Variants in DIAPH2 observed in about 807,000 individuals in gnomAD.
The protein encoded by DIAPH2 is diaphanous related formin 2.
In DIAPH2, 35 loss-of-function variants were observed where a neutral mutation model predicts 92.7. The ratio of observed to expected loss-of-function variants is 0.38; its 90% CI spans 0.29 to 0.50. The LOEUF is 0.50. Ranked by LOEUF, DIAPH2 falls within the 20% of genes least tolerant of loss-of-function variation. The pLI, the probability that DIAPH2 is intolerant of heterozygous loss-of-function variation, is 0.94. For missense variants in DIAPH2, 701 were observed against 819.5 expected, an observed-to-expected ratio of 0.86 and a Z score of 1.77; for synonymous variants, 301 against 280.4, an observed-to-expected ratio of 1.07 and a Z score of -0.73.
rs1177486781 is a variant in DIAPH2, at chrX:97,601,684, T to TTTC, written c.*2371_*2373dup. On this transcript the variant is annotated 3_prime_UTR_variant, in exon 27 of 27. Transcript: ENST00000324765. ...CATGAGAAGCACCATTTATGCAGAT[T>TTTC]TTCTTCAGAATATTTTTAAAAGGTA... 7 of 112,298 alleles carry TTTC rather than the reference T, an allele frequency of 6.2e-5. No individual in the cohort carries two copies. The highest frequency in any genetic ancestry group is 1.1e-4 in the Non-Finnish European group (6 of 53,279). The allele number at this position is 112,298 out of a possible 1,213,427, so 9.3% of individuals were successfully genotyped here. A position where few individuals can be genotyped will look rare whatever the true frequency, so the allele number is the denominator to read the frequency against.
At chrX:97,489,831 C>T (rs1394106422) in intron 26 of DIAPH2, among the ~76,000 whole-genome samples, 1 of 111,247 alleles carries the variant, frequency 9.0e-6, no homozygotes, top group Non-Finnish European at 1.9e-5. Context: ...GTGTTGAATT[C>T]GGTTTGCTAA....
intron 25 of DIAPH2, among the ~76,000 whole-genome samples, chrX:97,393,867 A>G (rs2069681747): frequency 8.9e-6 from 1 of 111,900 alleles, no homozygotes; most frequent in Admixed American, 9.5e-5. Flanking sequence ...TCCTCCTTGT[A>G]TAAGATTATA....
intron 26 of DIAPH2, among the ~76,000 whole-genome samples, chrX:97,479,718 C>T (rs190559019): frequency 9.0e-6 from 1 of 111,227 alleles, no homozygotes; most frequent in African/African-American, 3.3e-5. Context: ...AACCTCAAGG[C>T]TGTAAACTAT....
chrX:97,366,712 C>T (rs1244978722), intron 24 of DIAPH2, among the ~76,000 whole-genome samples: 1 of 111,556 alleles, frequency 9.0e-6, no homozygotes, highest in Non-Finnish European at 1.9e-5. Context: ...TCTACTTTCT[C>T]TAAGTCTTAC....
At chrX:96,777,354 G>C (rs1215234165) in intron 4 of DIAPH2, among the ~76,000 whole-genome samples, 1 of 111,425 alleles carries the variant, frequency 9.0e-6, no homozygotes, top group Non-Finnish European at 1.9e-5. Flanking sequence ...CAGAATCTCA[G>C]TTTTCTCAGA....
intron 26 of DIAPH2, among the ~76,000 whole-genome samples, chrX:97,535,066 G>A (rs2071085681): frequency 8.9e-6 from 1 of 111,902 alleles, no homozygotes; most frequent in African/African-American, 3.2e-5. Flanking sequence ...CAATCTAGAG[G>A]AGCCCAAAGA....
chrX:96,991,309 G>A (rs745882049), intron 17 of DIAPH2, among the ~76,000 whole-genome samples: 1 of 109,429 alleles, frequency 9.1e-6, no homozygotes, highest in South Asian at 4.0e-4. Flanking sequence ...GTAGAGAAGG[G>A]GTTTCTCTAT....
chrX:97,321,211 G>A (rs1325337969), intron 23 of DIAPH2, among the ~76,000 whole-genome samples: 3 of 111,233 alleles, frequency 2.7e-5, no homozygotes, highest in Non-Finnish European at 5.6e-5. Context: ...AGAATAGAGT[G>A]TGCAGTATAA....
chrX:96,992,801 A>T (rs757212892), intron 17 of DIAPH2, among the ~76,000 whole-genome samples: 1 of 111,932 alleles, frequency 8.9e-6, no homozygotes, highest in East Asian at 2.8e-4. Flanking sequence ...TTAACAAGAG[A>T]CTTTTCTAGA....
intron 26 of DIAPH2, among the ~76,000 whole-genome samples, chrX:97,530,647 C>G (rs1167964452): frequency 9.0e-6 from 1 of 111,262 alleles, no homozygotes; most frequent in African/African-American, 3.3e-5. Flanking sequence ...GAAACTGAAC[C>G]AAGGGAAAAA....
chrX:97,078,426 T>C (rs2066719622), intron 19 of DIAPH2, among the ~76,000 whole-genome samples: 1 of 111,698 alleles, frequency 9.0e-6, no homozygotes, highest in Admixed American at 9.6e-5. Context: ...TTTCATTATC[T>C]TCTAATTAAT....
chrX:96,945,564 A>T lies in DIAPH2; in HGVS notation c.1482A>T (p.Glu494Asp), dbSNP rs765344185. The change falls in exon 14 of 27, where the codon GAA becomes GAT. Residue 494 changes from glutamate (E) to aspartate (D), a missense_variant. Glu to Asp is a conservative substitution (Grantham distance 45). Transcript: ENST00000324765. ...ACAAGGCGAAAGTTGAAGAAAGTGA[A>T]CAAAAAGCTGCAGAGTTTTCAAAGA... ...CVNKAKVEES[E>D]QKAAEFSKKF... 2 of 1,160,757 alleles carry T rather than the reference A, an allele frequency of 1.7e-6. No individual in the cohort carries two copies. Among genetic ancestry groups the T allele is most frequent in the Non-Finnish European group, 2.3e-6 (2 of 876,897 alleles).
chrX:97,149,506 C>G (rs1602375263), intron 22 of DIAPH2, among the ~76,000 whole-genome samples: 1 of 109,664 alleles, frequency 9.1e-6, no homozygotes. Context: ...CCGAGATGGG[C>G]GGATCACGAG....
rs181414808 is a variant in DIAPH2 at position 97,026,632 on chromosome X, A to C, written c.2051-46309A>C. 8.0e-5 allele frequency among the ~76,000 whole-genome samples: 9 copies of C among 112,132 alleles called. No individual in the cohort carries two copies. The East Asian group carries it at 2.5e-3, about 31-fold the overall frequency. On this transcript the variant is annotated intron_variant, in intron 17 of 26. Transcript: ENST00000324765. ...GATCTTTCAGTTCTGAATTTAGGTT[A>C]AAGACTGCTGTTCTGCCTTCTTCCT...
intron 26 of DIAPH2, among the ~76,000 whole-genome samples, chrX:97,524,327 C>T (rs892616949): frequency 1.3e-4 from 14 of 111,969 alleles, no homozygotes; most frequent in African/African-American, 1.6e-4. Flanking sequence ...TATTCTATGC[C>T]GGAGAAATCA....
chrX:97,196,991 G>A (rs2067710175), intron 22 of DIAPH2, among the ~76,000 whole-genome samples: 1 of 110,467 alleles, frequency 9.1e-6, no homozygotes, highest in East Asian at 2.8e-4. Context: ...TCACCATGTT[G>A]GTCAGACTGG....
chrX:97,427,654 TTTG>T (rs2070082216), intron 25 of DIAPH2, among the ~76,000 whole-genome samples: 1 of 92,452 alleles, frequency 1.1e-5, no homozygotes, highest in Admixed American at 1.3e-4. Context: ...TGTTGTTTTG[TTTG>T]TTTTGTTTTT....
intron 22 of DIAPH2, among the ~76,000 whole-genome samples, chrX:97,171,633 C>T (rs1429078841): frequency 8.9e-6 from 1 of 112,108 alleles, no homozygotes; most frequent in East Asian, 2.8e-4. Flanking sequence ...GTATGTGCAG[C>T]AGTTTTTTAA....
At chrX:97,182,405 T>C (rs2067547781) in intron 22 of DIAPH2, among the ~76,000 whole-genome samples, 1 of 111,277 alleles carries the variant, frequency 9.0e-6, no homozygotes, top group African/African-American at 3.3e-5. Flanking sequence ...TCAATTTTAT[T>C]TAGAAGGCTG....
Sources: allele counts gnomAD v4.1 joint callset (sites outside exome capture counted in the v4.1 genomes callset), GRCh38; gene constraint gnomAD v4.1.1; transcripts MANE v1.5; gene names NCBI Gene and HGNC (gene_info 2026-07-23, HGNC 2026-07-21).